FARS2: variants seen among roughly 807,000 people sequenced by gnomAD.
FARS2 encodes the protein phenylalanine--tRNA ligase, mitochondrial.
Under a neutral mutation model 46.4 loss-of-function variants are expected in FARS2, and 40 were observed. The observed-to-expected ratio is 0.86, with a 90% CI of 0.67 to 1.12. The LOEUF (loss-of-function observed/expected upper bound fraction) is 1.12, where lower values mean the gene tolerates loss of function less well. FARS2 is among the 50% of genes most tolerant of loss of function. The pLI is 0.00. For synonymous variants in FARS2, 234 were observed against 214.9 expected, an observed-to-expected ratio of 1.09 and a Z score of -0.78; for missense variants, 513 against 567.9, an observed-to-expected ratio of 0.90 and a Z score of 0.98.
chr6:5,693,935 A>G (rs1248918902), intron 6 of FARS2, among the ~76,000 whole-genome samples: 1 of 152,210 alleles, frequency 6.6e-6, no homozygotes, highest in Non-Finnish European at 1.5e-5. Flanking sequence ...CAGAAGTCAC[A>G]TAGCATCATT....
intron 1 of FARS2, among the ~76,000 whole-genome samples, chr6:5,332,278 G>T (rs556492196): frequency 5.1e-4 from 78 of 152,290 alleles, no homozygotes; most frequent in African/African-American, 1.8e-3. Context: ...CACTTTGCAG[G>T]GGCATAGCAC....
At chr6:5,283,418 GGGCATCT>G (rs1766887889) in intron 1 of FARS2, among the ~76,000 whole-genome samples, 2 of 150,236 alleles carry the variant, frequency 1.3e-5, no homozygotes, top group African/African-American at 4.9e-5. Flanking sequence ...GCGTCTTGGT[GGGCATCT>G]GTAGTCCTGG....
chr6:5,715,644 G>A (rs547630393), intron 6 of FARS2, among the ~76,000 whole-genome samples: 1 of 152,252 alleles, frequency 6.6e-6, no homozygotes, highest in African/African-American at 2.4e-5. Context: ...ATTATAGCAT[G>A]TATCAATATG....
chr6:5,476,452 A>G (rs1766127529), intron 4 of FARS2, among the ~76,000 whole-genome samples: 1 of 152,190 alleles, frequency 6.6e-6, no homozygotes, highest in Non-Finnish European at 1.5e-5. Flanking sequence ...TTGGACAGGA[A>G]CTTACCTGTC....
intron 3 of FARS2, among the ~76,000 whole-genome samples, chr6:5,423,936 G>C (rs1762704944): frequency 6.6e-6 from 1 of 152,180 alleles, no homozygotes; most frequent in African/African-American, 2.4e-5. Flanking sequence ...TTCCCACATG[G>C]ATGCTTCAGG....
At chr6:5,571,542 ATCACGAGCCCTCTGCT>A (rs1350809351) in intron 5 of FARS2, among the ~76,000 whole-genome samples, 1 of 152,146 alleles carries the variant, frequency 6.6e-6, no homozygotes, top group East Asian at 1.9e-4. Flanking sequence ...GGCTTTCTGA[ATCACGAGCCCTCTGCT>A]TCACGCTATC....
intron 3 of FARS2, among the ~76,000 whole-genome samples, chr6:5,405,959 C>A (rs1465951956): frequency 6.6e-6 from 1 of 152,130 alleles, no homozygotes; most frequent in Non-Finnish European, 1.5e-5. Context: ...CAATCTAGAC[C>A]TCACTTAGTC....
In FARS2 at chr6:5,598,907, T is replaced by C. The variant is rs567016267; in HGVS notation, c.1066-14262T>C. ...AAGCCACTGGAAATCACGTCTTAAGTTCTTTGGGTTCATTTCAATTTGCTC... is the reference window on the plus strand; with the variant it reads ...AAGCCACTGGAAATCACGTCTTAAGCTCTTTGGGTTCATTTCAATTTGCTC... On this transcript the variant is annotated intron_variant, in intron 5 of 6. Coordinates refer to ENST00000274680, the MANE Select transcript of FARS2 (RefSeq NM_006567.5). Among the ~76,000 whole-genome samples, 3 of 152,290 alleles carry C rather than the reference T, an allele frequency of 2.0e-5. No homozygotes were observed. In the South Asian group the frequency reaches 6.2e-4, roughly 32 times the overall value.
intron 6 of FARS2, among the ~76,000 whole-genome samples, chr6:5,751,814 T>C (rs1761963798): frequency 6.6e-6 from 1 of 152,250 alleles, no homozygotes; most frequent in East Asian, 1.9e-4. Context: ...TCTCAGTTTC[T>C]TCCATTTAAA....
At chr6:5,582,427 A>G (rs1390344616) in intron 5 of FARS2, among the ~76,000 whole-genome samples, 5 of 152,256 alleles carry the variant, frequency 3.3e-5, no homozygotes, top group Non-Finnish European at 7.3e-5. Context: ...AATACTTTGC[A>G]TGTATTTCCT....
chr6:5,550,363 C>T (rs1224909142), intron 5 of FARS2, among the ~76,000 whole-genome samples: 5 of 152,212 alleles, frequency 3.3e-5, no homozygotes, highest in African/African-American at 4.8e-5. Flanking sequence ...GCAACCTCCA[C>T]CTCCCAGGCT....
At chr6:5,753,022 C>G (rs867270934) in intron 6 of FARS2, among the ~76,000 whole-genome samples, 2 of 152,102 alleles carry the variant, frequency 1.3e-5, no homozygotes, top group African/African-American at 4.8e-5. Context: ...TTACTGTAAG[C>G]GTAATGCTCT....
At chr6:5,456,662 C>T (rs893278113) in intron 4 of FARS2, among the ~76,000 whole-genome samples, 5 of 128,126 alleles carry the variant, frequency 3.9e-5, no homozygotes, top group African/African-American at 1.2e-4. Flanking sequence ...ACCTGGGAGG[C>T]GGAGGTTGCA....
At chr6:5,752,492 A>C (rs536953139) in intron 6 of FARS2, among the ~76,000 whole-genome samples, 1 of 152,322 alleles carries the variant, frequency 6.6e-6, no homozygotes, top group South Asian at 2.1e-4. Flanking sequence ...ACTTATTCAG[A>C]ATGGCTATAG....
chr6:5,382,807 A>G (rs1429171851), intron 2 of FARS2, among the ~76,000 whole-genome samples: 1 of 152,236 alleles, frequency 6.6e-6, no homozygotes, highest in African/African-American at 2.4e-5. Flanking sequence ...CAGGAGGACA[A>G]ACATTATAGT....
intron 1 of FARS2, among the ~76,000 whole-genome samples, chr6:5,270,822 A>G (rs7763107): frequency 0.022 from 3,300 of 151,994 alleles, 112 homozygotes; most frequent in African/African-American, 0.075. Flanking sequence ...ATTCTTTAGT[A>G]CTCACCTCTT....
rs993394805 is a variant in FARS2 at position 5,642,609 on chromosome 6, T to G, written c.1217+29289T>G. 4.6e-5 allele frequency among the ~76,000 whole-genome samples: 7 copies of G among 151,814 alleles called. No homozygotes were observed. The South Asian group carries it at 1.4e-3, about 31-fold the overall frequency. ...GCATCTCAGGAAGAAGAATGGAAGATGATTTTTTAAATGTCAAAAAAAAAA... is the reference window on the plus strand; with the variant it reads ...GCATCTCAGGAAGAAGAATGGAAGAGGATTTTTTAAATGTCAAAAAAAAAA... On this transcript the variant is annotated intron_variant, in intron 6 of 6. Transcript: ENST00000274680.
chr6:5,755,768 C>G (rs1216712162), intron 6 of FARS2, among the ~76,000 whole-genome samples: 1 of 152,130 alleles, frequency 6.6e-6, no homozygotes, highest in African/African-American at 2.4e-5. Context: ...CAGCCTTTTC[C>G]TCAGTGCTGT....
At chr6:5,360,247 GA>G in intron 1 of FARS2, among the ~76,000 whole-genome samples, 1 of 152,148 alleles carries the variant, frequency 6.6e-6, no homozygotes, top group East Asian at 1.9e-4. Flanking sequence ...GAGCTCACTA[GA>G]AACAATTGTA....
Sources: gnomAD v4.1 joint callset for allele counts (sites outside exome capture counted in the v4.1 genomes callset) on GRCh38, gnomAD v4.1.1 for gene constraint, MANE v1.5 for transcripts, NCBI Gene and HGNC (gene_info 2026-07-23, HGNC 2026-07-21) for gene names.